TRDN: variants seen among roughly 807,000 people sequenced by gnomAD.
TRDN encodes the protein triadin.
Under a neutral mutation model 149.7 loss-of-function variants are expected in TRDN, and 161 were observed. The ratio of observed to expected loss-of-function variants is 1.08; its 90% CI spans 0.95 to 1.23. The LOEUF is 1.23. Among genes scored for constraint, TRDN ranks in the 50% most tolerant of loss-of-function variants. TRDN has a pLI of 0.00. For synonymous variants in TRDN, 294 were observed against 250.5 expected (o/e 1.17, Z -1.64); for missense variants, 896 against 823.5 (o/e 1.09, Z -1.08).
chr6:123,436,109 C>T (rs1390777198), intron 12 of TRDN, among the ~76,000 whole-genome samples: 1 of 152,070 alleles, frequency 6.6e-6, no homozygotes, highest in African/African-American at 2.4e-5. Flanking sequence ...AAAATTACAA[C>T]TCAAAATTTT....
intron 11 of TRDN, 151 bp downstream of exon 11, chr6:123,438,793 G>T: frequency 2.0e-6 from 1 of 500,148 alleles, no homozygotes. Flanking sequence ...AATTTTATTT[G>T]GAATATCTAG....
chr6:123,322,025 T>C (rs1442480368), intron 23 of TRDN, among the ~76,000 whole-genome samples: 1 of 152,178 alleles, frequency 6.6e-6, no homozygotes, highest in African/African-American at 2.4e-5. Flanking sequence ...TGGCTGTACA[T>C]TTCTTTACTT....
At chr6:123,563,889 C>T (rs927862459) in intron 2 of TRDN, among the ~76,000 whole-genome samples, 5 of 152,168 alleles carry the variant, frequency 3.3e-5, no homozygotes, top group African/African-American at 7.2e-5. Flanking sequence ...CTCAGTACAA[C>T]ATCCGCCTGC....
intron 33 of TRDN, among the ~76,000 whole-genome samples, chr6:123,263,608 G>A (rs1776845053): frequency 6.6e-6 from 1 of 152,000 alleles, no homozygotes; most frequent in South Asian, 2.1e-4. Flanking sequence ...CCAGCCTGGT[G>A]ACAGAGTGAG....
rs571970303 is a variant in TRDN at position 123,617,760 on chromosome 6, C to T, written c.22+18994G>A. Among the ~76,000 whole-genome samples the T allele has an allele frequency of 2.6e-5, 4 of 151,982 alleles. No individual in the cohort carries two copies. The East Asian group carries it at 5.8e-4, about 22-fold the overall frequency. ...AAATTTGTTTGTTTGTTTTTTGAGA[C>T]GGAGTTTTGCTCTTGTCACCCAGGC... On this transcript the variant is annotated intron_variant, in intron 1 of 40. Transcript: ENST00000334268.
At chr6:123,223,676 C>CCTT (rs1384279459) in intron 39 of TRDN, among the ~76,000 whole-genome samples, 1 of 102,150 alleles carries the variant, frequency 9.8e-6, no homozygotes, top group East Asian at 2.6e-4. Context: ...TCCATTTCTT[C>CCTT]CTTCCTTCCT....
At chr6:123,234,628 T>G (rs553260012) in intron 38 of TRDN, among the ~76,000 whole-genome samples, 1 of 152,252 alleles carries the variant, frequency 6.6e-6, no homozygotes, top group African/African-American at 2.4e-5. Context: ...ATAAGACTTG[T>G]GGATAAAATC....
At chr6:123,399,583 T>C (rs1240615392) in intron 12 of TRDN, among the ~76,000 whole-genome samples, 2 of 152,172 alleles carry the variant, frequency 1.3e-5, no homozygotes, top group Non-Finnish European at 2.9e-5. Flanking sequence ...GAAGTCCCAT[T>C]TCTTGAGATG....
intron 1 of TRDN, among the ~76,000 whole-genome samples, chr6:123,572,064 T>TA (rs1782608516): frequency 6.6e-6 from 1 of 152,172 alleles, no homozygotes; most frequent in Admixed American, 6.6e-5. Context: ...TAGTATCTTT[T>TA]AAAAATTGTG....
At chr6:123,383,111 G>T (rs530822388) in intron 14 of TRDN, among the ~76,000 whole-genome samples, 1 of 152,120 alleles carries the variant, frequency 6.6e-6, no homozygotes, top group Non-Finnish European at 1.5e-5. Flanking sequence ...CTAATAGTTT[G>T]CAAGTTAATG....
intron 5 of TRDN, among the ~76,000 whole-genome samples, chr6:123,524,060 C>T (rs1316988615): frequency 6.6e-6 from 1 of 152,136 alleles, no homozygotes. Context: ...ACATTAATGG[C>T]TCCAGGCTGG....
chr6:123,536,450 GA>G (rs1780533637), intron 4 of TRDN, among the ~76,000 whole-genome samples: 1 of 151,614 alleles, frequency 6.6e-6, no homozygotes, highest in Non-Finnish European at 1.5e-5. Context: ...TTGAAAATTT[GA>G]AAAAATATTT....
At chr6:123,368,513 C>T (rs1408739698) in intron 19 of TRDN, among the ~76,000 whole-genome samples, 1 of 152,110 alleles carries the variant, frequency 6.6e-6, no homozygotes, top group African/African-American at 2.4e-5. Context: ...ATGAGTCTGG[C>T]GTGAGCCCTG....
At chr6:123,398,943 A>AT (rs1178968596) in intron 12 of TRDN, among the ~76,000 whole-genome samples, 3 of 152,082 alleles carry the variant, frequency 2.0e-5, no homozygotes, top group East Asian at 1.9e-4. Flanking sequence ...ATTTTGCTAG[A>AT]TTTTTTCCCC....
intron 24 of TRDN, among the ~76,000 whole-genome samples, chr6:123,281,271 CT>C (rs1417117393): frequency 6.6e-6 from 1 of 151,792 alleles, no homozygotes. Flanking sequence ...GGCTGAGAAC[CT>C]TTTGTTAATG....
chr6:123,383,637 A>G (rs1781801120), intron 14 of TRDN, among the ~76,000 whole-genome samples: 1 of 152,136 alleles, frequency 6.6e-6, no homozygotes, highest in Non-Finnish European at 1.5e-5. Context: ...AATGTGGAAA[A>G]TATTAACTAA....
rs576028226 is a variant in TRDN at position 123,516,141 on chromosome 6, C to T, written c.550G>A (p.Ala184Thr). ...AACAGTAATAAAAGTAACTTCATACCTTTCTTTTCAGGTTTTTCTTTTTCT... is the reference window on the plus strand; with the variant it reads ...AACAGTAATAAAAGTAACTTCATACTTTTCTTTTCAGGTTTTTCTTTTTCT... ...VREKEKPEKK[A>T]THKEKIEKKE... The change falls in exon 6 of 41, where the codon GCA (alanine) becomes ACA (threonine). Residue 184 changes from alanine to threonine, a missense_variant and splice_region_variant. Physicochemically the swap from Ala to Thr is moderately conservative, Grantham distance 58. Coordinates refer to ENST00000334268, the MANE Select transcript of TRDN (RefSeq NM_006073.4). 3.4e-6 allele frequency: 5 copies of T among 1,488,968 alleles called. No individual in the cohort carries two copies. The highest frequency in any genetic ancestry group is 2.2e-5 in the Admixed American group (1 of 46,390). The allele number at this position is 1,488,968 out of a possible 1,614,324, so 92.2% of individuals were successfully genotyped here.
At chr6:123,372,654 T>G (rs1409190759) in intron 19 of TRDN, among the ~76,000 whole-genome samples, 4 of 152,208 alleles carry the variant, frequency 2.6e-5, no homozygotes, top group Middle Eastern at 3.4e-3. Flanking sequence ...ATGTGATCAT[T>G]GAAAGAGAAA....
intron 9 of TRDN, chr6:123,489,507 C>T (rs1237465279): frequency 6.6e-6 from 1 of 151,970 alleles, no homozygotes; most frequent in Admixed American, 6.6e-5. Flanking sequence ...TCTTATAGGT[C>T]TTCCAAGAAA....
Sources: allele counts gnomAD v4.1 joint callset (sites outside exome capture counted in the v4.1 genomes callset), GRCh38; gene constraint gnomAD v4.1.1; transcripts MANE v1.5; gene names NCBI Gene and HGNC (gene_info 2026-07-23, HGNC 2026-07-21).